DCHS2: variants seen among roughly 807,000 people sequenced by gnomAD.
DCHS2 encodes the protein protocadherin-23.
Under a neutral mutation model 182.4 loss-of-function variants are expected in DCHS2, and 142 were observed. The observed-to-expected ratio is 0.78, with a 90% CI of 0.68 to 0.89. The LOEUF (loss-of-function observed/expected upper bound fraction) is 0.89, where lower values mean the gene tolerates loss of function less well. Ranked by LOEUF, DCHS2 falls within the 40% of genes least tolerant of loss-of-function variation. The probability of loss-of-function intolerance (pLI) is 0.00; values close to 1 mark genes in which losing one functional copy is unlikely to be tolerated. For synonymous variants in DCHS2, 1,740 were observed against 1,663.3 expected (o/e 1.05, Z -1.12); for missense variants, 4,319 against 4,198.6 (o/e 1.03, Z -0.79).
rs749226677 is a variant in DCHS2, at chr4:154,236,231, A to G, written c.8421T>C (p.Ser2807=). The change falls in exon 20 of 20, where the codon TCT becomes TCC. Residue 2807 remains serine (S), a synonymous_variant. Transcript: ENST00000357232. The part of the protein sequence containing the change: ...DAGPYGELTY[S]IVSPCFLTHG... ...GAGTGAGAAAACAGGGTGATACAATAGAATAGGTCAATTCTCCATACGGAC... is the reference window on the plus strand; with the variant it reads ...GAGTGAGAAAACAGGGTGATACAATGGAATAGGTCAATTCTCCATACGGAC... 1 of 1,614,018 alleles carries G rather than the reference A, an allele frequency of 6.2e-7. No homozygotes were observed. The highest frequency in any genetic ancestry group is 8.5e-7 in the Non-Finnish European group (1 of 1,179,948).
chr4:154,438,277 G>A (rs1452821585), intron 1 of DCHS2, among the ~76,000 whole-genome samples: 1 of 152,180 alleles, frequency 6.6e-6, no homozygotes, highest in Non-Finnish European at 1.5e-5. Flanking sequence ...AAAGAGCTTG[G>A]AAGGCTAAAT....
At chr4:154,449,669 A>G (rs1454792004) in intron 1 of DCHS2, among the ~76,000 whole-genome samples, 3 of 152,170 alleles carry the variant, frequency 2.0e-5, no homozygotes, top group Non-Finnish European at 2.9e-5. Flanking sequence ...CACCACGCCC[A>G]GCCAATCTTT....
intron 10 of DCHS2, among the ~76,000 whole-genome samples, chr4:154,311,004 G>A (rs998028582): frequency 3.3e-5 from 5 of 152,130 alleles, no homozygotes; most frequent in East Asian, 1.9e-4. Context: ...AAAGGAGACC[G>A]TAAAGCACAC....
chr4:154,368,834 C>G (rs1351222110), intron 2 of DCHS2, among the ~76,000 whole-genome samples: 1 of 152,110 alleles, frequency 6.6e-6, no homozygotes, highest in Non-Finnish European at 1.5e-5. Flanking sequence ...GGTAAGCACA[C>G]TAGTGGGGCT....
At chr4:154,323,341 A>T in intron 7 of DCHS2, 1 of 1,548,266 alleles carries the variant, frequency 6.5e-7, no homozygotes, top group Non-Finnish European at 8.7e-7. Flanking sequence ...TGCCAAAAAA[A>T]AAAAAAAAGA....
intron 3 of DCHS2, among the ~76,000 whole-genome samples, chr4:154,353,708 C>T (rs370826843): frequency 6.6e-6 from 1 of 152,170 alleles, no homozygotes; most frequent in Non-Finnish European, 1.5e-5. Context: ...ATTCCTCTAG[C>T]GAAGTGCTAC....
chr4:154,316,118 T>G, intron 9 of DCHS2, 131 bp from the exon 10 acceptor site: 1 of 1,392,228 alleles, frequency 7.2e-7, no homozygotes, highest in Non-Finnish European at 9.5e-7. Flanking sequence ...ATGAACTGCA[T>G]TAAATCATCT....
intron 3 of DCHS2, among the ~76,000 whole-genome samples, chr4:154,340,991 G>A (rs1578985391): frequency 6.6e-6 from 1 of 152,178 alleles, no homozygotes; most frequent in African/African-American, 2.4e-5. Flanking sequence ...CTTGCATATG[G>A]TAGCCACTCA....
rs1255499259 is a variant in DCHS2, at chr4:154,409,183, G to T, written c.2053-31739C>A. On this transcript the variant is annotated intron_variant, in intron 1 of 19. Coordinates refer to ENST00000357232, the MANE Select transcript of DCHS2 (RefSeq NM_001358235.2). ...TTCCCTGGAAGTGGAGTAGAGTCTG[G>T]GCTGCTGAGTCCAGGGAGTGGAGTC... Among the ~76,000 whole-genome samples, 3 of 152,182 alleles carry T rather than the reference G, an allele frequency of 2.0e-5. No individual in the cohort carries two copies. The East Asian group carries it at 5.8e-4, about 29-fold the overall frequency.
At chr4:154,429,961 A>C (rs1226800803) in intron 1 of DCHS2, among the ~76,000 whole-genome samples, 5 of 152,166 alleles carry the variant, frequency 3.3e-5, no homozygotes, top group African/African-American at 1.2e-4. Context: ...ATGGTGGTGT[A>C]CGAATAAATG....
At chr4:154,373,587 G>A (rs902432868) in intron 2 of DCHS2, among the ~76,000 whole-genome samples, 14 of 152,180 alleles carry the variant, frequency 9.2e-5, no homozygotes, top group African/African-American at 3.4e-4. Flanking sequence ...AAAAGCCTGT[G>A]ATGTGGAGGC....
chr4:154,237,475 T>C (rs950120427), intron 19 of DCHS2: 1 of 208,338 alleles, frequency 4.8e-6, no homozygotes. Flanking sequence ...AAAATATTTT[T>C]GTTTGTAAAA....
rs1482397496 is a variant in DCHS2 at position 154,366,196 on chromosome 4, C to T, written c.2476+14G>A. 1 of 1,600,152 alleles carries T rather than the reference C, an allele frequency of 6.2e-7. No homozygotes were observed. Among genetic ancestry groups the T allele is most frequent in the Non-Finnish European group, 8.6e-7 (1 of 1,168,092 alleles). On this transcript the variant is annotated intron_variant, in intron 3 of 19. Transcript: ENST00000357232. ...TTATAGCCAAAGGATGAAAACTGTT[C>T]CAAGATCACATACCTGTGGTGGAGT...
intron 18 of DCHS2, among the ~76,000 whole-genome samples, chr4:154,239,695 G>A (rs1731708465): frequency 6.6e-6 from 1 of 152,094 alleles, no homozygotes; most frequent in Admixed American, 6.6e-5. Context: ...TTTTAGTAGA[G>A]ATGGGGTTTC....
rs146769141 is a variant in DCHS2, at chr4:154,381,346, T to C, written c.2053-3902A>G. Among the ~76,000 whole-genome samples, 500 of 152,170 alleles carry C rather than the reference T, an allele frequency of 3.3e-3. 2 individuals carry two copies. Among genetic ancestry groups the C allele is most frequent in the African/African-American group, 0.012 (483 of 41,526 alleles). The stretch of plus-strand genomic sequence containing the variant: ...ATTATTAAAATCCCCCTGATTCCAT[T>C]GTTAGCTTTCTGAGATTTAAATAAT... On this transcript the variant is annotated intron_variant, in intron 1 of 19. Transcript: ENST00000357232.
chr4:154,320,304 T>C (rs1736006535), intron 9 of DCHS2, 75 bp downstream of exon 9: 2 of 1,529,200 alleles, frequency 1.3e-6, no homozygotes, highest in Non-Finnish European at 1.7e-6. Context: ...AAAACTTTGT[T>C]AGGAGGGTGG....
intron 12 of DCHS2, among the ~76,000 whole-genome samples, chr4:154,300,441 A>T (rs2111288360): frequency 6.8e-6 from 1 of 147,564 alleles, no homozygotes. Flanking sequence ...TTGGAGACCA[A>T]GGCGGGAGGA....
At chr4:154,440,201 C>G (rs965484133) in intron 1 of DCHS2, among the ~76,000 whole-genome samples, 8 of 152,294 alleles carry the variant, frequency 5.3e-5, no homozygotes, top group African/African-American at 1.9e-4. Flanking sequence ...TGAGACGAAG[C>G]TGATGGAGCC....
At chr4:154,409,484 C>T (rs1016226705) in intron 1 of DCHS2, among the ~76,000 whole-genome samples, 8 of 152,148 alleles carry the variant, frequency 5.3e-5, no homozygotes, top group Non-Finnish European at 1.0e-4. Flanking sequence ...AGGCCAGTAC[C>T]GTGCTCTGTC....
Sources: gnomAD v4.1 joint callset for allele counts (sites outside exome capture counted in the v4.1 genomes callset) on GRCh38, gnomAD v4.1.1 for gene constraint, MANE v1.5 for transcripts, NCBI Gene and HGNC (gene_info 2026-07-23, HGNC 2026-07-21) for gene names.